The following RIMBP2 variants were observed in gnomAD, a reference collection of about 807,000 sequenced individuals.
RIMBP2 encodes RIMS binding protein 2.
RIMBP2 carries 48 observed loss-of-function variants against 118.6 expected under a neutral mutation model. That is an observed-to-expected ratio of 0.40 (90% CI 0.32 to 0.51). RIMBP2 has a LOEUF of 0.51. Among genes scored for constraint, RIMBP2 ranks in the 20% least tolerant of loss-of-function variants. RIMBP2 has a pLI of 0.41. For missense variants in RIMBP2, 1,551 were observed against 1,768.3 expected (o/e 0.88, Z 2.20); for synonymous variants, 762 against 742.9 (o/e 1.03, Z -0.42).
At chr12:130,492,243 GA>G (rs2048708962) in intron 4 of RIMBP2, among the ~76,000 whole-genome samples, 2 of 152,292 alleles carry the variant, frequency 1.3e-5, no homozygotes, top group East Asian at 3.9e-4. Flanking sequence ...TCAAAAGCAA[GA>G]AAGACAAGGT....
Position 130,442,233 on chromosome 12 carries a change from C to T in RIMBP2, c.1119G>A (p.Lys373=), listed in dbSNP as rs947148602. 98 of 1,614,088 alleles carry T rather than the reference C, an allele frequency of 6.1e-5. No individual in the cohort carries two copies. The highest frequency in any genetic ancestry group is 8.1e-5 in the Non-Finnish European group (95 of 1,180,056). ...GGTAGGTGCAGGCTGCCATGTTGAG[C>T]TTCTCGATGAGGGCTTTAGTTCTGC... ...LGSRTKALIE[K]LNMAACTYRI... is the part of the protein sequence containing the mutation. Residue 373 remains lysine, a synonymous_variant, in exon 11 of 23, where the codon AAG becomes AAA. Coordinates refer to ENST00000690449, the MANE Select transcript of RIMBP2 (RefSeq NM_001393629.1). This position sits in a 1 kb window ranked among gnomAD's most constrained non-coding sequence, Gnocchi z 6.9.
At chr12:130,686,493 A>G (rs2065052005) in intron 1 of RIMBP2, among the ~76,000 whole-genome samples, 1 of 152,214 alleles carries the variant, frequency 6.6e-6, no homozygotes, top group South Asian at 2.1e-4. Context: ...CACCGGAGTC[A>G]CGTTGTGCTG....
chr12:130,536,722 G>C (rs2054118675), intron 2 of RIMBP2, among the ~76,000 whole-genome samples: 1 of 152,166 alleles, frequency 6.6e-6, no homozygotes, highest in African/African-American at 2.4e-5. Flanking sequence ...CCAGTATGTA[G>C]AGCTTAATTT....
chr12:130,399,871 G>A, intron 21 of RIMBP2, 58 bp from the exon 22 acceptor site: 1 of 1,587,784 alleles, frequency 6.3e-7, no homozygotes, highest in Non-Finnish European at 8.6e-7. Flanking sequence ...CCCACATCTT[G>A]CTTTGGCTAA....
chr12:130,428,498 C>T (rs2076939329), intron 14 of RIMBP2, 161 bp from the exon 15 acceptor site: 4 of 655,784 alleles, frequency 6.1e-6, no homozygotes, highest in Non-Finnish European at 7.4e-6. Flanking sequence ...GAAAGTGAGG[C>T]TGGAGAGAGG....
chr12:130,523,237 C>G lies in RIMBP2; in HGVS notation c.-216-5320G>C, dbSNP rs1269364555. Among the ~76,000 whole-genome samples, 1 of 152,166 alleles carries G rather than the reference C, an allele frequency of 6.6e-6. No homozygotes were observed. The highest frequency in any genetic ancestry group is 1.5e-5 in the Non-Finnish European group (1 of 68,044). ...TTTCTCTGCCTCCATCTCTCTCTGT[C>G]CCCTACCCACTACCTGGCCGTGTGA... On this transcript the variant is annotated intron_variant, in intron 2 of 22. Coordinates refer to ENST00000690449, the MANE Select transcript of RIMBP2 (RefSeq NM_001393629.1). The surrounding 1 kb of genome is among the most constrained non-coding windows in gnomAD (Gnocchi z 4.4).
rs980260938 is a variant in RIMBP2, at chr12:130,446,336, G to A, written c.582-1067C>T. Among the ~76,000 whole-genome samples, 5 of 152,170 alleles carry A rather than the reference G, an allele frequency of 3.3e-5. No individual in the cohort carries two copies. The highest frequency in any genetic ancestry group is 7.3e-5 in the Non-Finnish European group (5 of 68,048). On this transcript the variant is annotated intron_variant, in intron 9 of 22. Transcript: ENST00000690449. The surrounding 1 kb of genome is among the most constrained non-coding windows in gnomAD (Gnocchi z 4.1). ...CACTTTCATACACGTTTTATTCGATGGCCATTAAATGTTAGGAAAACAGAG... is the reference window on the plus strand; with the variant it reads ...CACTTTCATACACGTTTTATTCGATAGCCATTAAATGTTAGGAAAACAGAG...
chr12:130,665,749 A>AAC (rs61043627), intron 1 of RIMBP2, among the ~76,000 whole-genome samples: 7,087 of 147,124 alleles, frequency 0.048, 273 homozygotes, highest in Admixed American at 0.079. Context: ...CTGGACCAGA[A>AAC]ACACACACAC....
chr12:130,427,423 T>A (rs2076863787), intron 15 of RIMBP2: 1 of 152,362 alleles, frequency 6.6e-6, no homozygotes, highest in African/African-American at 2.4e-5. Context: ...AGCACATGAA[T>A]GCGGGAGTCG....
chr12:130,667,102 GA>G (rs541275430), intron 1 of RIMBP2, among the ~76,000 whole-genome samples: 7 of 65,064 alleles, frequency 1.1e-4, no homozygotes, highest in African/African-American at 2.7e-4. Context: ...GAGGATGGGA[GA>G]AAAAAAGGAA....
chr12:130,579,949 C>T (rs531614351), intron 2 of RIMBP2, among the ~76,000 whole-genome samples: 49 of 148,134 alleles, frequency 3.3e-4, no homozygotes, highest in African/African-American at 1.2e-3. Context: ...TCTGGGAAGG[C>T]GAGGCAGGCG....
At position 130,609,549 on chromosome 12, in the gene RIMBP2, G is replaced by A. The variant is rs148910965; in HGVS notation, c.-217+18773C>T. Among the ~76,000 whole-genome samples, 350 of 149,800 alleles carry A rather than the reference G, an allele frequency of 2.3e-3. 21 individuals are homozygous for A. The highest frequency in any genetic ancestry group is 8.2e-3 in the African/African-American group (335 of 40,640). ...CTTTCTTCTGTTGGATGGAAGCGGG[G>A]TGGTTAGTCAGGGTTCCCTGGAGAA... On this transcript the variant is annotated intron_variant, in intron 2 of 22. Coordinates refer to ENST00000690449, the MANE Select transcript of RIMBP2 (RefSeq NM_001393629.1).
At position 130,664,433 on chromosome 12, in the gene RIMBP2, ATG is replaced by A. The variant is rs1328699302; in HGVS notation, c.-351-35979_-351-35978del. On this transcript the variant is annotated intron_variant, in intron 1 of 22. Coordinates refer to ENST00000690449, the MANE Select transcript of RIMBP2 (RefSeq NM_001393629.1). ...CACGCACACACACGCACACACATGC[ATG>A]CACGCACACACGCACACACATGCAC... 1.9e-3 allele frequency among the ~76,000 whole-genome samples: 150 copies of A among 77,218 alleles called. 4 individuals are homozygous for A. Among genetic ancestry groups the A allele is most frequent in the African/African-American group, 5.9e-3 (145 of 24,450 alleles). 50.7% of individuals were successfully genotyped at this position (77,218 alleles called of 152,430 possible). A position where few individuals can be genotyped will look rare whatever the true frequency, so the allele number is the denominator to read the frequency against.
intron 1 of RIMBP2, among the ~76,000 whole-genome samples, chr12:130,657,040 G>A (rs1436674037): frequency 1.3e-5 from 2 of 152,238 alleles, no homozygotes; most frequent in Non-Finnish European, 2.9e-5. Flanking sequence ...GACTATAGGT[G>A]TGTACCACCA....
At chr12:130,613,066 C>A (rs184610802) in intron 2 of RIMBP2, among the ~76,000 whole-genome samples, 1 of 152,212 alleles carries the variant, frequency 6.6e-6, no homozygotes, top group Non-Finnish European at 1.5e-5. Flanking sequence ...TTTCCCAGCT[C>A]CCTGGCCGGC....
At chr12:130,565,762 A>G (rs2057173192) in intron 2 of RIMBP2, among the ~76,000 whole-genome samples, 1 of 152,242 alleles carries the variant, frequency 6.6e-6, no homozygotes, top group Non-Finnish European at 1.5e-5. Flanking sequence ...TTGTTCACAC[A>G]GCAGCACAAA....
At chr12:130,479,117 T>G (rs2081716659) in intron 4 of RIMBP2, 101 bp from the exon 5 acceptor site, 1 of 877,060 alleles carries the variant, frequency 1.1e-6, no homozygotes, top group Admixed American at 3.1e-5. Flanking sequence ...GCCCGGTCAC[T>G]CCAGAGCAGC....
intron 2 of RIMBP2, among the ~76,000 whole-genome samples, chr12:130,606,271 G>T (rs970926390): frequency 6.6e-6 from 1 of 152,134 alleles, no homozygotes; most frequent in Non-Finnish European, 1.5e-5. Context: ...GAGAAAAAAC[G>T]TTCTCCCAAA....
chr12:130,707,053 G>A (rs920811166), intron 1 of RIMBP2, among the ~76,000 whole-genome samples: 3 of 152,304 alleles, frequency 2.0e-5, no homozygotes, highest in Admixed American at 6.5e-5. Flanking sequence ...GTCCTCAAGC[G>A]ACAAGATTCT....
Sources: allele counts gnomAD v4.1 joint callset (sites outside exome capture counted in the v4.1 genomes callset), GRCh38; gene constraint gnomAD v4.1.1; non-coding constraint Gnocchi (gnomAD v3.1); transcripts MANE v1.5; gene names NCBI Gene and HGNC (gene_info 2026-07-23, HGNC 2026-07-21).